Variants in PARVG observed in about 807,000 individuals in gnomAD.
The protein encoded by PARVG is gamma-parvin.
PARVG carries 36 observed loss-of-function variants against 44.4 expected under a neutral mutation model. The observed-to-expected ratio is 0.81, with a 90% CI of 0.62 to 1.07. The LOEUF (loss-of-function observed/expected upper bound fraction) is 1.07. Among genes scored for constraint, PARVG ranks in the 50% least tolerant of loss-of-function variants. The probability of loss-of-function intolerance (pLI) is 0.00; values close to 1 mark genes in which losing one functional copy is unlikely to be tolerated. For synonymous variants in PARVG, 170 were observed against 174.1 expected, an observed-to-expected ratio of 0.98 and a Z score of 0.19; for missense variants, 407 against 407.4, an observed-to-expected ratio of 1.00 and a Z score of 0.01.
chr22:44,199,612 G>T lies in PARVG; in HGVS notation c.813+890G>T, dbSNP rs59565177. Among the ~76,000 whole-genome samples, 751 of 152,314 alleles carry T rather than the reference G, an allele frequency of 4.9e-3. 6 individuals carry two copies. Among genetic ancestry groups the T allele is most frequent in the African/African-American group, 0.017 (686 of 41,556 alleles). On this transcript the variant is annotated intron_variant, in intron 12 of 13. Transcript: ENST00000444313. ...TGGTCTTGCAGGGCCACAGTGAAACGTGTTGGTTCAGATGCCTGGGTCAGA... is the reference window on the plus strand; with the variant it reads ...TGGTCTTGCAGGGCCACAGTGAAACTTGTTGGTTCAGATGCCTGGGTCAGA...
intron 1 of PARVG, chr22:44,173,333 C>A: frequency 2.8e-6 from 2 of 709,712 alleles, no homozygotes; most frequent in African/African-American, 1.9e-5. Context: ...GCCTTGCATG[C>A]TGACCAGTAA....
rs201038833 is a variant in PARVG, at chr22:44,183,293, G to A, written c.-12-25G>A. The A allele has an allele frequency of 2.5e-3, 3,943 of 1,581,318 alleles. 3 individuals are homozygous for A. Among genetic ancestry groups the A allele is most frequent in the Non-Finnish European group, 3.2e-3 (3,691 of 1,166,278 alleles). On this transcript the variant is annotated intron_variant, in intron 2 of 13. Coordinates refer to ENST00000444313, the MANE Select transcript of PARVG (RefSeq NM_022141.7). Reference sequence around the variant, plus strand: ...AGTTTGGGGCTTCTCAGACCGTGACGCCCTCTCCTGCCTCCTCTGTGCAGG... The same window carrying A: ...AGTTTGGGGCTTCTCAGACCGTGACACCCTCTCCTGCCTCCTCTGTGCAGG...
rs531298440 is a variant in PARVG, at chr22:44,183,371, G to C, written c.42G>C (p.Lys14Asn). ...EFLYDLLQLP[K>N]GVEPPAEEEL... ...TGTACGACCTGCTGCAGCTCCCCAA[G>C]GGGGTGGAGCCCCCAGCGGAGGAGG... is the stretch of plus-strand genomic sequence containing the variant. Residue 14 changes from lysine to asparagine, a missense_variant, in exon 3 of 14, where the codon AAG becomes AAC. Transcript: ENST00000444313. 1.1e-5 allele frequency: 17 copies of C among 1,609,906 alleles called. No individual in the cohort carries two copies. The highest frequency in any genetic ancestry group is 1.4e-5 in the Non-Finnish European group (17 of 1,178,750).
At chr22:44,197,045 G>T (rs935987805) in intron 11 of PARVG, among the ~76,000 whole-genome samples, 2 of 152,182 alleles carry the variant, frequency 1.3e-5, no homozygotes, top group African/African-American at 4.8e-5. Context: ...CTGCAGAGTG[G>T]GCATGGAGTC....
At chr22:44,173,228 T>C (rs1311768862) in intron 1 of PARVG, 1 of 1,210,688 alleles carries the variant, frequency 8.3e-7, no homozygotes, top group South Asian at 1.5e-5. Context: ...TCTGCCTGGG[T>C]CCAGACCATA....
At chr22:44,205,450 G>A (rs1347220739) in intron 12 of PARVG, among the ~76,000 whole-genome samples, 3 of 152,212 alleles carry the variant, frequency 2.0e-5, no homozygotes, top group Non-Finnish European at 4.4e-5. Context: ...CCTCCTTGGC[G>A]ATTGCCTTTT....
chr22:44,205,947 C>A, intron 13 of PARVG, 118 bp downstream of exon 13: 1 of 1,236,444 alleles, frequency 8.1e-7, no homozygotes, highest in Non-Finnish European at 1.1e-6. Flanking sequence ...AGTCCTCTTG[C>A]CTGGCAGGGG....
chr22:44,195,327 T>C (rs1313709751), intron 9 of PARVG, among the ~76,000 whole-genome samples: 2 of 152,192 alleles, frequency 1.3e-5, no homozygotes, highest in East Asian at 3.8e-4. Context: ...CTTTTCCCCC[T>C]TCACTAACAA....
intron 3 of PARVG, chr22:44,183,667 C>T: frequency 2.2e-6 from 1 of 447,980 alleles, no homozygotes; most frequent in Admixed American, 4.3e-5. Flanking sequence ...TCCTGTGAGC[C>T]TTCTGAGTGC....
intron 5 of PARVG, 170 bp downstream of exon 5, chr22:44,188,048 C>A (rs2054498808): frequency 1.4e-6 from 1 of 703,022 alleles, no homozygotes; most frequent in Non-Finnish European, 2.4e-6. Context: ...AGGCGCTGTC[C>A]ACAGCCCATG....
intron 9 of PARVG, 120 bp downstream of exon 9, chr22:44,193,943 A>G (rs977012185): frequency 7.8e-7 from 1 of 1,283,960 alleles, no homozygotes; most frequent in Non-Finnish European, 1.1e-6. Flanking sequence ...TGCTGTTTGT[A>G]TCTCAAGCCT....
intron 1 of PARVG, 134 bp downstream of exon 1, chr22:44,181,319 T>G (rs1018826444): frequency 1.0e-6 from 1 of 985,002 alleles, no homozygotes; most frequent in African/African-American, 1.7e-5. Flanking sequence ...TGTGGGAGCC[T>G]CAGCTCAGGG....
chr22:44,173,534 C>A (rs7292425), intron 1 of PARVG, among the ~76,000 whole-genome samples: 34,449 of 138,518 alleles, frequency 0.25, 4,095 homozygotes, highest in African/African-American at 0.32. Flanking sequence ...AAGGCAACCA[C>A]GCTATTAAAA....
chr22:44,206,181 C>G (rs1194317941), intron 13 of PARVG, 136 bp from the exon 14 acceptor site: 8 of 685,540 alleles, frequency 1.2e-5, no homozygotes, highest in East Asian at 1.1e-4. Context: ...CTGGAGTGAC[C>G]AGCTGTCCTG....
rs770257402 is a variant in PARVG at position 44,205,815 on chromosome 22, C to T, written c.872C>T (p.Pro291Leu). 3.7e-6 allele frequency: 6 copies of T among 1,613,312 alleles called. No individual in the cohort carries two copies. The highest frequency in any genetic ancestry group is 4.5e-5 in the East Asian group (2 of 44,878). ...AAGGACGAGGGCCTGCTCAGCTGCCCTGTCAGCCCTGAAGGTGAGTGCAAG... is the reference window on the plus strand; with the variant it reads ...AAGGACGAGGGCCTGCTCAGCTGCCTTGTCAGCCCTGAAGGTGAGTGCAAG... ...LLKDEGLLSC[P>L]VSPEDIVNKD... Residue 291 changes from proline to leucine, a missense_variant, in exon 13 of 14, where the codon CCT becomes CTT. By Grantham distance (98) the Pro-to-Leu change is moderately conservative (BLOSUM62 -3). Transcript: ENST00000444313.
intron 1 of PARVG, among the ~76,000 whole-genome samples, chr22:44,173,880 G>T (rs974424354): frequency 6.6e-6 from 1 of 152,162 alleles, no homozygotes. Flanking sequence ...GAATCACCGG[G>T]CCCCCCTGTG....
chr22:44,203,696 C>T (rs1267314679), intron 12 of PARVG, among the ~76,000 whole-genome samples: 1 of 152,216 alleles, frequency 6.6e-6, no homozygotes, highest in Non-Finnish European at 1.5e-5. Flanking sequence ...CCTAGTTTCC[C>T]AGAATATTCC....
In PARVG at chr22:44,189,587, G is replaced by A. The variant is rs111510311; in HGVS notation, c.388+333G>A. Among the ~76,000 whole-genome samples the A allele has an allele frequency of 4.8e-3, 734 of 152,308 alleles. 5 individuals carry two copies. The highest frequency in any genetic ancestry group is 0.016 in the African/African-American group (676 of 41,558). ...CCATCCACACTCTCATTTCATTAAA[G>A]TATTGGAATATCTGCAGGGCCTGCT... On this transcript the variant is annotated intron_variant, in intron 6 of 13. Coordinates refer to ENST00000444313, the MANE Select transcript of PARVG (RefSeq NM_022141.7).
intron 12 of PARVG, among the ~76,000 whole-genome samples, chr22:44,199,602 A>G (rs1440626120): frequency 6.6e-6 from 1 of 152,200 alleles, no homozygotes; most frequent in Non-Finnish European, 1.5e-5. Flanking sequence ...TTGCAGGGCC[A>G]CAGTGAAACG....
Sources: allele counts gnomAD v4.1 joint callset (sites outside exome capture counted in the v4.1 genomes callset), GRCh38; gene constraint gnomAD v4.1.1; transcripts MANE v1.5; gene names NCBI Gene and HGNC (gene_info 2026-07-23, HGNC 2026-07-21).